NF2: variants seen among roughly 807,000 people sequenced by gnomAD.
NF2 encodes the protein merlin.
Under a neutral mutation model 83.7 loss-of-function variants are expected in NF2, and 8 were observed. The observed-to-expected ratio is 0.10, with a 90% CI of 0.06 to 0.17. NF2 has a LOEUF of 0.17. Among genes scored for constraint, NF2 ranks in the 10% least tolerant of loss-of-function variants. The pLI is 1.00. For synonymous variants in NF2, 266 were observed against 269.6 expected (o/e 0.99, Z 0.13); for missense variants, 533 against 744.4 (o/e 0.72, Z 3.31).
chr22:29,655,802 AG>A, intron 6 of NF2, 126 bp downstream of exon 6: 1 of 780,388 alleles, frequency 1.3e-6, no homozygotes, highest in South Asian at 1.6e-5. Flanking sequence ...ATAAAAGAAA[AG>A]GGGAGAGCTG....
intron 1 of NF2, among the ~76,000 whole-genome samples, chr22:29,620,173 T>C (rs1346413914): frequency 6.6e-6 from 1 of 152,046 alleles, no homozygotes; most frequent in African/African-American, 2.4e-5. Context: ...GCAGGAGAAT[T>C]GCTTGAACCT....
chr22:29,677,174 G>A (rs1408826202), intron 13 of NF2, among the ~76,000 whole-genome samples: 1 of 152,190 alleles, frequency 6.6e-6, no homozygotes, highest in Admixed American at 6.5e-5. Flanking sequence ...CAGCCAAAAA[G>A]AAATCTTTTA....
At chr22:29,683,385 A>G (rs1158828029) in intron 15 of NF2, 1 of 1,328,388 alleles carries the variant, frequency 7.5e-7, no homozygotes, top group African/African-American at 1.5e-5. Flanking sequence ...GGTGTGTCTA[A>G]AAGTCCTTTG....
intron 9 of NF2, among the ~76,000 whole-genome samples, chr22:29,665,674 C>T (rs2147037086): frequency 6.6e-6 from 1 of 151,626 alleles, no homozygotes; most frequent in East Asian, 1.9e-4. Flanking sequence ...TAAGAAATAG[C>T]ACAGTCCTGG....
intron 15 of NF2, among the ~76,000 whole-genome samples, chr22:29,682,384 A>G (rs1288872369): frequency 2.0e-5 from 3 of 152,222 alleles, no homozygotes; most frequent in Non-Finnish European, 2.9e-5. Context: ...AGTCTTTAAA[A>G]TAGGCTTCCA....
chr22:29,628,876 C>A (rs995058495), intron 1 of NF2, among the ~76,000 whole-genome samples: 2 of 152,072 alleles, frequency 1.3e-5, no homozygotes, highest in African/African-American at 2.4e-5. Context: ...GGTGATCCAC[C>A]TGTCTCGGCC....
At position 29,692,019 on chromosome 22, in the gene NF2, GTGGGGAT is replaced by G. The variant is rs1360227595; in HGVS notation, c.1738-2729_1738-2723del. 3.9e-5 allele frequency among the ~76,000 whole-genome samples: 6 copies of G among 152,246 alleles called. No individual in the cohort carries two copies. In the East Asian group the frequency reaches 1.2e-3, roughly 29 times the overall value. On this transcript the variant is annotated intron_variant, in intron 15 of 15. Transcript: ENST00000338641. ...AGTAAATTCTGACTCCGGGGCTCCT[GTGGGGAT>G]TGGAACCCATAGGAATTGCACAATG... is the stretch of plus-strand genomic sequence containing the variant.
At chr22:29,644,263 C>CTGCAATCTCGGCACTTTGGGAGGCCAAG (rs1481358539) in intron 4 of NF2, among the ~76,000 whole-genome samples, 1 of 146,164 alleles carries the variant, frequency 6.8e-6, no homozygotes. Context: ...CGGGCAGAGG[C>CTGCAATCTCGGCACTTTGGGAGGCCAAG]GCTCCTCACA....
At chr22:29,684,222 GC>G (rs2067219171) in intron 15 of NF2, 1 of 153,704 alleles carries the variant, frequency 6.5e-6, no homozygotes, top group East Asian at 1.8e-4. Context: ...CATTTAGCGG[GC>G]TCCTGTTTCT....
At chr22:29,677,932 G>A (rs1480938668) in intron 13 of NF2, among the ~76,000 whole-genome samples, 4 of 152,128 alleles carry the variant, frequency 2.6e-5, no homozygotes, top group African/African-American at 9.7e-5. Flanking sequence ...GTGGGAGTTT[G>A]TGTTTGATTC....
intron 4 of NF2, among the ~76,000 whole-genome samples, chr22:29,645,842 T>A (rs1340301595): frequency 1.3e-5 from 2 of 152,142 alleles, no homozygotes; most frequent in Non-Finnish European, 2.9e-5. Flanking sequence ...TCGTACTAAT[T>A]TGGAGATGAA....
chr22:29,682,347 T>C (rs530190042), intron 15 of NF2, among the ~76,000 whole-genome samples: 1 of 152,324 alleles, frequency 6.6e-6, no homozygotes, highest in East Asian at 1.9e-4. Context: ...GTGATACTGA[T>C]ACAGTTAATT....
chr22:29,684,806 TG>T (rs2067232297), intron 15 of NF2, among the ~76,000 whole-genome samples: 1 of 152,122 alleles, frequency 6.6e-6, no homozygotes, highest in South Asian at 2.1e-4. Context: ...TATTAAATTT[TG>T]CTGCACATGA....
chr22:29,670,355 G>A (rs2857647), intron 10 of NF2, among the ~76,000 whole-genome samples: 96,355 of 151,732 alleles, frequency 0.64, 30,789 homozygotes, highest in East Asian at 0.81. Flanking sequence ...TAAAAGAATT[G>A]TAGATATGTA....
At chr22:29,614,779 G>A (rs1213998641) in intron 1 of NF2, among the ~76,000 whole-genome samples, 1 of 152,026 alleles carries the variant, frequency 6.6e-6, no homozygotes, top group Non-Finnish European at 1.5e-5. Flanking sequence ...CAGTTGAGGT[G>A]GCTCACCCCA....
At chr22:29,607,562 T>C (rs1175113664) in intron 1 of NF2, among the ~76,000 whole-genome samples, 2 of 152,066 alleles carry the variant, frequency 1.3e-5, no homozygotes, top group African/African-American at 4.8e-5. Context: ...ATCCCCAGAG[T>C]TGCTACAGTA....
intron 9 of NF2, 80 bp downstream of exon 9, chr22:29,665,144 A>T: frequency 1.8e-6 from 2 of 1,094,570 alleles, no homozygotes; most frequent in Non-Finnish European, 2.8e-6. Flanking sequence ...AGGATATCAG[A>T]GTGACATCTT....
At chr22:29,644,164 C>T (rs563401264) in intron 4 of NF2, among the ~76,000 whole-genome samples, 9 of 149,886 alleles carry the variant, frequency 6.0e-5, no homozygotes, top group African/African-American at 9.9e-5. Flanking sequence ...ACTTCACAGA[C>T]GGGGCGGTTG....
Position 29,696,066 on chromosome 22 carries a change from CTTTTTTTTTT to C in NF2, c.*1278_*1287del, listed in dbSNP as rs886057354. The C allele has an allele frequency of 2.0e-3, 319 of 155,958 alleles. 1 individual carries two copies. The highest frequency in any genetic ancestry group is 9.2e-3 in the African/African-American group (276 of 30,150). The allele number at this position is 155,958 out of a possible 1,614,324, so 9.7% of individuals were successfully genotyped here. Reference sequence around the variant, plus strand: ...GTCTGGGGCCACCTTCTTGCCCTTTCTTTTTTTTTTTTTTTTTTTTTTTCCGAGATGGAGT... The same window carrying C: ...GTCTGGGGCCACCTTCTTGCCCTTTCTTTTTTTTTTTTTCCGAGATGGAGT... On this transcript the variant is annotated 3_prime_UTR_variant, in exon 16 of 16. Coordinates refer to ENST00000338641, the MANE Select transcript of NF2 (RefSeq NM_000268.4).
Sources: allele counts gnomAD v4.1 joint callset (sites outside exome capture counted in the v4.1 genomes callset), GRCh38; gene constraint gnomAD v4.1.1; transcripts MANE v1.5; gene names NCBI Gene and HGNC (gene_info 2026-07-23, HGNC 2026-07-21).